OR3A2: variants seen among roughly 807,000 people sequenced by gnomAD.
OR3A2 encodes the protein olfactory receptor family 3 subfamily A member 2, also known as olfactory receptor 3A2.
For synonymous variants in OR3A2, 126 were observed against 159.3 expected, an observed-to-expected ratio of 0.79 and a Z score of 1.57; for missense variants, 318 against 392.8, an observed-to-expected ratio of 0.81 and a Z score of 1.61.
chr17:3,335,710 T>C (rs2049271066), intron 3 of OR3A2, among the ~76,000 whole-genome samples: 1 of 152,158 alleles, frequency 6.6e-6, no homozygotes, highest in Admixed American at 6.6e-5. Context: ...AAAAGTCCCA[T>C]GAGGCAAATG....
intron 2 of OR3A2, among the ~76,000 whole-genome samples, chr17:3,361,844 T>C (rs231430): frequency 0.69 from 104,535 of 151,166 alleles, 37,937 homozygotes; most frequent in East Asian, 1. Context: ...ATTTTTGCAT[T>C]GATGTTCATC....
chr17:3,318,211 G>C (rs951382470), intron 3 of OR3A2, among the ~76,000 whole-genome samples: 1 of 152,136 alleles, frequency 6.6e-6, no homozygotes, highest in Admixed American at 6.5e-5. Context: ...TGCAGCCTAG[G>C]TGCTGAGGGA....
chr17:3,308,637 G>T (rs2049016394), intron 3 of OR3A2, among the ~76,000 whole-genome samples: 2 of 152,282 alleles, frequency 1.3e-5, no homozygotes, highest in African/African-American at 4.8e-5. Context: ...TGAGATTGAA[G>T]AAGGACGGTT....
chr17:3,366,307 C>T (rs1028247740), intron 2 of OR3A2, among the ~76,000 whole-genome samples: 3 of 152,212 alleles, frequency 2.0e-5, no homozygotes, highest in Non-Finnish European at 4.4e-5. Context: ...CCCATCCTAG[C>T]TAATCCCAGA....
rs547819414 is a variant in OR3A2, at chr17:3,321,732, A to T, written c.-85+14301T>A. Among the ~76,000 whole-genome samples, 265 of 152,236 alleles carry T rather than the reference A, an allele frequency of 1.7e-3. 1 individual carries two copies. The highest frequency in any genetic ancestry group is 5.8e-3 in the African/African-American group (240 of 41,516). ...GCCTTGCATCCCAGGGATGAAGCCC[A>T]CTTGATCATGGTGGATAAGCTTTTT... On this transcript the variant is annotated intron_variant, in intron 3 of 4. Transcript: ENST00000573491.
chr17:3,330,891 C>T (rs1407874150), intron 3 of OR3A2, among the ~76,000 whole-genome samples: 2 of 151,854 alleles, frequency 1.3e-5, no homozygotes, highest in Non-Finnish European at 2.9e-5. Flanking sequence ...TTCAGGAGCT[C>T]TTTTAGGGCA....
chr17:3,351,290 G>C (rs1084903), intron 2 of OR3A2, among the ~76,000 whole-genome samples: 55,774 of 71,238 alleles, frequency 0.78, 23,629 homozygotes, highest in East Asian at 0.93. Context: ...ACCCCATTGT[G>C]TCAGCCCAAA....
intron 3 of OR3A2, among the ~76,000 whole-genome samples, chr17:3,315,891 T>C (rs1049262930): frequency 6.6e-6 from 1 of 152,100 alleles, no homozygotes; most frequent in Non-Finnish European, 1.5e-5. Flanking sequence ...GCCCACCTTG[T>C]TCACTTGATC....
At chr17:3,328,099 C>A (rs1465299735) in intron 3 of OR3A2, among the ~76,000 whole-genome samples, 12 of 145,658 alleles carry the variant, frequency 8.2e-5, no homozygotes, top group African/African-American at 2.9e-4. Context: ...TGAAGAAAGT[C>A]ATTGGTAGCT....
Position 3,348,533 on chromosome 17 carries a change from A to G in OR3A2, c.-178-12407T>C, listed in dbSNP as rs528112761. On this transcript the variant is annotated intron_variant, in intron 2 of 4. Coordinates refer to the OR3A2 transcript ENST00000573491. ...CTCCAAGAAATATGGGACTATGTGAAAAGACAAAATCTACATCTCACTGAT... is the reference window on the plus strand; with the variant it reads ...CTCCAAGAAATATGGGACTATGTGAGAAGACAAAATCTACATCTCACTGAT... Among the ~76,000 whole-genome samples the G allele has an allele frequency of 2.6e-5, 4 of 152,316 alleles. No individual in the cohort carries two copies. In the South Asian group the frequency reaches 8.3e-4, roughly 32 times the overall value.
chr17:3,308,580 G>C (rs181457630), intron 3 of OR3A2, among the ~76,000 whole-genome samples: 2 of 152,158 alleles, frequency 1.3e-5, no homozygotes, highest in Non-Finnish European at 2.9e-5. Context: ...CGCTACTCAC[G>C]GGGAGGATGG....
intron 1 of OR3A2, among the ~76,000 whole-genome samples, chr17:3,280,091 CA>C (rs896405468): frequency 7.2e-5 from 11 of 152,088 alleles, no homozygotes; most frequent in Non-Finnish European, 1.0e-4. Context: ...TCTCTAAAAC[CA>C]AAGTTGTGGT....
At position 3,292,581 on chromosome 17, in the gene OR3A2, A is replaced by G. The variant is rs201821185; in HGVS notation, c.-84-13428T>C. 3.1e-5 allele frequency: 50 copies of G among 1,598,026 alleles called. No individual in the cohort carries two copies. In the East Asian group the frequency reaches 1.1e-3, roughly 35 times the overall value. ...TCCATTGGCCCCAGATTCTGGCTGC[A>G]TGAGTTCCTGCAAAGAAACATCCAG... On this transcript the variant is annotated intron_variant, in intron 3 of 4. Transcript: ENST00000573491.
At chr17:3,335,017 T>G (rs2049266921) in intron 3 of OR3A2, among the ~76,000 whole-genome samples, 1 of 152,228 alleles carries the variant, frequency 6.6e-6, no homozygotes, top group African/African-American at 2.4e-5. Context: ...ACTAGTTTTA[T>G]TCATTGCTAA....
At chr17:3,301,059 T>C (rs1034251581) in intron 3 of OR3A2, among the ~76,000 whole-genome samples, 15 of 152,224 alleles carry the variant, frequency 9.9e-5, no homozygotes, top group African/African-American at 3.4e-4. Context: ...TCATGGTGTA[T>C]ATGTGCCACA....
At chr17:3,287,803 C>T (rs1389926808), upstream of OR3A2, among the ~76,000 whole-genome samples, 1 of 151,652 alleles carries the variant, frequency 6.6e-6, no homozygotes, top group Non-Finnish European at 1.5e-5. Context: ...TTTACTTTTG[C>T]TGAATTTATG....
upstream of OR3A2, among the ~76,000 whole-genome samples, chr17:3,285,314 C>A (rs1237218920): frequency 3.3e-5 from 5 of 152,108 alleles, no homozygotes; most frequent in East Asian, 5.8e-4. Flanking sequence ...AATAGACAAA[C>A]CTGTTCTTCT....
At chr17:3,324,044 G>A (rs2049149453) in intron 3 of OR3A2, among the ~76,000 whole-genome samples, 2 of 152,024 alleles carry the variant, frequency 1.3e-5, no homozygotes, top group South Asian at 2.1e-4. Context: ...TTTCTTGGAG[G>A]CTTTGTTCAT....
At chr17:3,286,343 CTT>C (rs1374828894), upstream of OR3A2, among the ~76,000 whole-genome samples, 1 of 152,090 alleles carries the variant, frequency 6.6e-6, no homozygotes, top group Non-Finnish European at 1.5e-5. Context: ...GGTTCCAAGT[CTT>C]TGATATTGTG....
Sources: gnomAD v4.1 joint callset for allele counts (sites outside exome capture counted in the v4.1 genomes callset) on GRCh38, gnomAD v4.1.1 for gene constraint, MANE v1.5 for transcripts, NCBI Gene and HGNC (gene_info 2026-07-23, HGNC 2026-07-21) for gene names.